Variants in NOL6 observed in about 807,000 individuals in gnomAD.
NOL6 encodes nucleolar protein 6, also known as nucleolar RNA-associated protein.
Under a neutral mutation model 131.7 loss-of-function variants are expected in NOL6, and 33 were observed. The observed-to-expected ratio is 0.25, with a 90% confidence interval of 0.19 to 0.33. The LOEUF is 0.33. Ranked by LOEUF, NOL6 falls within the 10% of genes least tolerant of loss-of-function variation. The probability of loss-of-function intolerance (pLI) is 1.00; values close to 1 mark genes in which losing one functional copy is unlikely to be tolerated. For synonymous variants in NOL6, 580 were observed against 605.7 expected (o/e 0.96, Z 0.62); for missense variants, 1,297 against 1,494.5 (o/e 0.87, Z 2.18).
chr9:33,463,004 AG>A, intron 25 of NOL6, 28 bp downstream of exon 25: 2 of 1,600,070 alleles, frequency 1.2e-6, no homozygotes, highest in Non-Finnish European at 1.7e-6. Context: ...GCACACACTC[AG>A]GAACACAGCT....
Position 33,463,063 on chromosome 9 carries a change from C to T in NOL6, c.3261G>A (p.Lys1087=). The change falls in exon 25 of 26, where the codon AAG becomes AAA. Residue 1087 remains lysine, a synonymous_variant. Transcript: ENST00000297990. ...HGGEVIGVLW[K]PTSFQPQPFK... is the part of the protein sequence containing the mutation. ...AGGGCTGCGGCTGGAAGCTGGTGGG[C>T]TTCCAGAGGACACCAATCACCTCTC... The T allele has an allele frequency of 6.2e-7, 1 of 1,613,838 alleles. No homozygotes were observed. Among genetic ancestry groups the T allele is most frequent in the South Asian group, 1.1e-5 (1 of 91,048 alleles).
In NOL6 at chr9:33,470,087, A is replaced by C. The variant is rs754835631; in HGVS notation, c.483T>G (p.Thr161=). 1 of 1,613,194 alleles carries C rather than the reference A, an allele frequency of 6.2e-7. No individual in the cohort carries two copies. Among genetic ancestry groups the C allele is most frequent in the Non-Finnish European group, 8.5e-7 (1 of 1,179,426 alleles). ...TGCCCAGAAGGTAGCTGCCCACAAC[A>C]GTAACCTGGGCTGGGGGCAGGAAGC... is the stretch of plus-strand genomic sequence containing the variant. ...CFRFLPPAQV[T]VVGSYLLGTC... Residue 161 remains threonine, a synonymous_variant, in exon 4 of 26, where the codon ACT becomes ACG. Coordinates refer to ENST00000297990, the MANE Select transcript of NOL6 (RefSeq NM_022917.5).
Position 33,464,024 on chromosome 9 carries a change from T to C in NOL6, c.2904+13A>G. ...AGAAAACCACACATTAGGGGGCAGGTATGGGGTTGAACCTGGGCTGAGGGT... is the reference window on the plus strand; with the variant it reads ...AGAAAACCACACATTAGGGGGCAGGCATGGGGTTGAACCTGGGCTGAGGGT... On this transcript the variant is annotated intron_variant, in intron 22 of 25. Coordinates refer to ENST00000297990, the MANE Select transcript of NOL6 (RefSeq NM_022917.5). The C allele has an allele frequency of 6.2e-7, 1 of 1,612,972 alleles. No homozygotes were observed. Among genetic ancestry groups the C allele is most frequent in the Non-Finnish European group, 8.5e-7 (1 of 1,179,186 alleles).
Position 33,463,306 on chromosome 9 carries a change from A to AG in NOL6, c.3129dup (p.Ser1044LeufsTer10). 1 of 1,614,138 alleles carries AG rather than the reference A, an allele frequency of 6.2e-7. No individual in the cohort carries two copies. The highest frequency in any genetic ancestry group is 8.5e-7 in the Non-Finnish European group (1 of 1,180,000). On this transcript the variant is annotated frameshift_variant, in exon 24 of 26. Coordinates refer to ENST00000297990, the MANE Select transcript of NOL6 (RefSeq NM_022917.5). LOFTEE classifies it high-confidence loss of function. ...TAGCCCAGCACGGGCATCAGGGATG[A>AG]GGGCCCCGGCTGGCTGAGCAGGCCC...
chr9:33,462,977 C>T (rs1475497981), intron 25 of NOL6, 56 bp downstream of exon 25: 1 of 1,556,232 alleles, frequency 6.4e-7, no homozygotes. Flanking sequence ...GACATGCATG[C>T]CCACACAGAA....
Position 33,468,129 on chromosome 9 carries a change from C to T in NOL6, c.1325G>A (p.Arg442Gln), listed in dbSNP as rs1235402892. The change falls in exon 11 of 26, where the codon CGG becomes CAG. Residue 442 changes from arginine to glutamine, a missense_variant. By Grantham distance (43) the Arg-to-Gln change is conservative (BLOSUM62 1). Transcript: ENST00000297990. ...GCTGTCCAGCAACATCATAGACAGC[C>T]GTGCCTCATGCTGTACCTGGAGCCA... ...STYHQVQHEA[R>Q]LSMMLLDSRA... 12 of 1,614,148 alleles carry T rather than the reference C, an allele frequency of 7.4e-6. No individual in the cohort carries two copies. The highest frequency in any genetic ancestry group is 3.3e-5 in the South Asian group (3 of 91,080).
At position 33,466,527 on chromosome 9, in the gene NOL6, G is replaced by A. The variant is rs3739682; in HGVS notation, c.2091+42C>T. On this transcript the variant is annotated intron_variant, in intron 16 of 25. Coordinates refer to ENST00000297990, the MANE Select transcript of NOL6 (RefSeq NM_022917.5). ...ATACTGGGTGACTGGAGCAGAGGTG[G>A]GGCCACTAAGCAGAAAGGTCACCTG... 2.8e-3 allele frequency: 4,559 copies of A among 1,612,582 alleles called. 53 individuals are homozygous for A. The highest frequency in any genetic ancestry group is 0.028 in the East Asian group (1,247 of 44,816).
chr9:33,464,188 A>T, intron 21 of NOL6, 27 bp from the exon 22 acceptor site: 1 of 1,583,882 alleles, frequency 6.3e-7, no homozygotes, highest in Non-Finnish European at 8.6e-7. Context: ...GTCCTGGGTC[A>T]GCCTGCTCCT....
chr9:33,463,903 C>G lies in NOL6; in HGVS notation c.2922G>C (p.Val974=), dbSNP rs1263999483. ...GPSAQILQQL[V]VLAAEALPML... ...TGGGCAGGGCTTCAGCTGCCAGGAC[C>G]ACAAGCTGCTGCAGGATCTGCGGGG... Residue 974 remains valine, a synonymous_variant, in exon 23 of 26, where the codon GTG becomes GTC. Transcript: ENST00000297990. The G allele has an allele frequency of 6.2e-7, 1 of 1,614,150 alleles. No individual in the cohort carries two copies.
At chr9:33,465,509 T>C (rs1827215308) in intron 19 of NOL6, 150 bp from the exon 20 acceptor site, 1 of 1,132,396 alleles carries the variant, frequency 8.8e-7, no homozygotes, top group Non-Finnish European at 1.2e-6. Context: ...ACCCTAGTGT[T>C]ATTTCCATTT....
In NOL6 at chr9:33,462,007, G is replaced by A; in HGVS notation, c.*657C>T. On this transcript the variant is annotated 3_prime_UTR_variant, in exon 26 of 26. Coordinates refer to ENST00000297990, the MANE Select transcript of NOL6 (RefSeq NM_022917.5). ...TGCTTTTTGCACCTCTCCAAGATTG[G>A]GTGACTACCAGTCCCCTGACCCCTT... 1 of 629,518 alleles carries A rather than the reference G, an allele frequency of 1.6e-6. No individual in the cohort carries two copies. 39.0% of individuals were successfully genotyped at this position (629,518 alleles called of 1,614,324 possible). A position where few individuals can be genotyped will look rare whatever the true frequency, so the allele number is the denominator to read the frequency against.
chr9:33,469,176 C>T, intron 6 of NOL6, 31 bp downstream of exon 6: 1 of 1,614,130 alleles, frequency 6.2e-7, no homozygotes, highest in Non-Finnish European at 8.5e-7. Flanking sequence ...CTCTTCCCTC[C>T]AGCTCCACCT....
At position 33,465,230 on chromosome 9, in the gene NOL6, G is replaced by A. The variant is rs761363037; in HGVS notation, c.2658C>T (p.His886=). 6.3e-7 allele frequency: 1 copy of A among 1,598,292 alleles called. No homozygotes were observed. The highest frequency in any genetic ancestry group is 8.5e-7 in the Non-Finnish European group (1 of 1,172,128). The change falls in exon 20 of 26, where the codon CAC becomes CAT. Residue 886 remains histidine (H), a synonymous_variant. Transcript: ENST00000297990. ...ACCTCGGAGGGGTGAAGGGCTCAGGGTGCAGGAAAAGGGCAGCGGCCACCA... is the reference window on the plus strand; with the variant it reads ...ACCTCGGAGGGGTGAAGGGCTCAGGATGCAGGAAAAGGGCAGCGGCCACCA... ...LDLVAAALFL[H]PEPFTPPSSP...
In NOL6 at chr9:33,467,493, T is replaced by C; in HGVS notation, c.1626A>G (p.Pro542=). ...VPEWDISQDP[P]KHKDSGTLTL... ...TCAGGGTCCCAGAGTCTTTGTGCTTTGGTGGATCTTGGCTGATGTCCCACT... is the reference window on the plus strand; with the variant it reads ...TCAGGGTCCCAGAGTCTTTGTGCTTCGGTGGATCTTGGCTGATGTCCCACT... The change falls in exon 13 of 26, where the codon CCA becomes CCG. Residue 542 remains proline (P), a synonymous_variant. Transcript: ENST00000297990. The surrounding 1 kb of genome is among the most constrained non-coding windows in gnomAD (Gnocchi z 4.4). 6.2e-7 allele frequency: 1 copy of C among 1,614,202 alleles called. No individual in the cohort carries two copies. The highest frequency in any genetic ancestry group is 8.5e-7 in the Non-Finnish European group (1 of 1,180,030).
At chr9:33,465,068 T>A in intron 20 of NOL6, 92 bp from the exon 21 acceptor site, 2 of 1,440,240 alleles carry the variant, frequency 1.4e-6, no homozygotes, top group Non-Finnish European at 1.9e-6. Context: ...CTGGTGTGGA[T>A]TGGCAGGGCA....
rs1587217193 is a variant in NOL6, at chr9:33,465,632, A to T, written c.2528+102T>A. On this transcript the variant is annotated intron_variant, in intron 19 of 25. Coordinates refer to ENST00000297990, the MANE Select transcript of NOL6 (RefSeq NM_022917.5). The stretch of plus-strand genomic sequence containing the variant: ...CCTGACTCCAGAACTCATACCCCTA[A>T]CTATGATACCATCTGGCCCCTGGAG... 69 of 1,301,574 alleles carry T rather than the reference A, an allele frequency of 5.3e-5. 1 individual carries two copies. The Middle Eastern group carries it at 5.3e-3, about 101-fold the overall frequency. 80.6% of individuals were successfully genotyped at this position (1,301,574 alleles called of 1,614,324 possible). A position where few individuals can be genotyped will look rare whatever the true frequency, so the allele number is the denominator to read the frequency against.
At chr9:33,465,918 A>G in intron 18 of NOL6, 21 bp from the exon 19 acceptor site, 1 of 1,610,724 alleles carries the variant, frequency 6.2e-7, no homozygotes. Context: ...AAGGTATGGA[A>G]AGAGAAGGAT....
chr9:33,462,025 G>C lies in NOL6; in HGVS notation c.*639C>G, dbSNP rs2119000395. 1.5e-6 allele frequency: 1 copy of C among 666,088 alleles called. No individual in the cohort carries two copies. Among genetic ancestry groups the C allele is most frequent in the East Asian group, 2.7e-5 (1 of 36,626 alleles). The allele number at this position is 666,088 out of a possible 1,614,324, so 41.3% of individuals were successfully genotyped here. A position where few individuals can be genotyped will look rare whatever the true frequency, so the allele number is the denominator to read the frequency against. On this transcript the variant is annotated 3_prime_UTR_variant, in exon 26 of 26. Transcript: ENST00000297990. The stretch of plus-strand genomic sequence containing the variant: ...AAGATTGGGTGACTACCAGTCCCCT[G>C]ACCCCTTCACCTACCCAATCCTTTC...
chr9:33,465,617 G>T, intron 19 of NOL6, 117 bp downstream of exon 19: 1 of 1,212,804 alleles, frequency 8.2e-7, no homozygotes, highest in Non-Finnish European at 1.1e-6. Context: ...CCTGACTCCA[G>T]AACTCATACC....
Sources: gnomAD v4.1 joint callset for allele counts on GRCh38, gnomAD v4.1.1 for gene constraint, Gnocchi (gnomAD v3.1) non-coding constraint, MANE v1.5 for transcripts, NCBI Gene and HGNC (gene_info 2026-07-23, HGNC 2026-07-21) for gene names.